ULK4: variants seen among roughly 807,000 people sequenced by gnomAD.
ULK4 encodes inactive serine/threonine-protein kinase ULK4.
ULK4 carries 133 observed loss-of-function variants against 160.6 expected under a neutral mutation model. The ratio of observed to expected loss-of-function variants is 0.83; its 90% CI spans 0.72 to 0.96. The LOEUF (loss-of-function observed/expected upper bound fraction) is 0.96, where lower values mean the gene tolerates loss of function less well. Among genes scored for constraint, ULK4 ranks in the 40% least tolerant of loss-of-function variants. ULK4 has a pLI of 0.00. For missense variants in ULK4, 1,580 were observed against 1,499.5 expected, an observed-to-expected ratio of 1.05 and a Z score of -0.89; for synonymous variants, 534 against 539.8, an observed-to-expected ratio of 0.99 and a Z score of 0.15.
intron 35 of ULK4, among the ~76,000 whole-genome samples, chr3:41,314,530 T>C (rs1201376288): frequency 2.0e-5 from 3 of 152,230 alleles, no homozygotes; most frequent in Non-Finnish European, 4.4e-5. Context: ...TTTGTGGCAA[T>C]CTAAAACCAG....
chr3:41,919,642 A>C, intron 6 of ULK4, 75 bp downstream of exon 6: 2 of 1,248,430 alleles, frequency 1.6e-6, no homozygotes, highest in Non-Finnish European at 2.3e-6. Flanking sequence ...CTTATAGGTA[A>C]AACATCTGCA....
intron 32 of ULK4, among the ~76,000 whole-genome samples, chr3:41,501,455 G>A (rs1313344356): frequency 1.3e-5 from 2 of 152,020 alleles, no homozygotes; most frequent in Admixed American, 6.6e-5. Flanking sequence ...CCGAGATTGC[G>A]CCACTGCACT....
intron 8 of ULK4, chr3:41,915,256 A>C (rs1032189362): frequency 6.6e-6 from 1 of 152,208 alleles, no homozygotes. Context: ...TTATACAAAA[A>C]TCAGCATTTC....
At chr3:41,544,350 T>C (rs537547982) in intron 32 of ULK4, among the ~76,000 whole-genome samples, 14 of 152,322 alleles carry the variant, frequency 9.2e-5, no homozygotes, top group African/African-American at 3.4e-4. Flanking sequence ...CAGTAAGTCT[T>C]CCACCCTTTG....
chr3:41,253,661 G>A (rs189244675), intron 35 of ULK4, among the ~76,000 whole-genome samples: 1 of 152,196 alleles, frequency 6.6e-6, no homozygotes, highest in African/African-American at 2.4e-5. Context: ...AAACTACATT[G>A]TAACATACCA....
At chr3:41,871,753 G>A (rs1350177733) in intron 17 of ULK4, among the ~76,000 whole-genome samples, 1 of 152,184 alleles carries the variant, frequency 6.6e-6, no homozygotes, top group African/African-American at 2.4e-5. Flanking sequence ...TATGTAGCTT[G>A]TAAATATTTT....
At chr3:41,321,883 CAG>C (rs1215555935) in intron 35 of ULK4, among the ~76,000 whole-genome samples, 2 of 144,414 alleles carry the variant, frequency 1.4e-5, no homozygotes, top group African/African-American at 5.4e-5. Context: ...AGAGAAGAAT[CAG>C]GGGAGAAGAG....
intron 35 of ULK4, among the ~76,000 whole-genome samples, chr3:41,335,806 T>C (rs2080542517): frequency 6.6e-6 from 1 of 152,186 alleles, no homozygotes; most frequent in Admixed American, 6.5e-5. Context: ...CTTTTAGATA[T>C]TTAAAAGAGT....
chr3:41,343,856 T>A (rs573465164), intron 35 of ULK4, among the ~76,000 whole-genome samples: 1 of 152,192 alleles, frequency 6.6e-6, no homozygotes, highest in Admixed American at 6.5e-5. Flanking sequence ...AAAGAGAACA[T>A]GAACAAATGA....
At chr3:41,631,331 T>C (rs1336235473) in intron 30 of ULK4, among the ~76,000 whole-genome samples, 3 of 152,220 alleles carry the variant, frequency 2.0e-5, no homozygotes, top group African/African-American at 7.2e-5. Context: ...GGACAGGCAT[T>C]ACACTTTTTC....
intron 31 of ULK4, among the ~76,000 whole-genome samples, chr3:41,567,888 A>T (rs144432828): frequency 2.2e-4 from 34 of 152,304 alleles, no homozygotes; most frequent in African/African-American, 7.9e-4. Context: ...TAGTACAGAG[A>T]GTTTCCATAT....
intron 22 of ULK4, among the ~76,000 whole-genome samples, chr3:41,731,455 G>A (rs992890121): frequency 6.6e-6 from 1 of 151,906 alleles, no homozygotes; most frequent in Non-Finnish European, 1.5e-5. Flanking sequence ...GAAAAACTAT[G>A]TAACAGTGAT....
chr3:41,727,696 T>A (rs995612833), intron 22 of ULK4, among the ~76,000 whole-genome samples: 6 of 152,078 alleles, frequency 3.9e-5, no homozygotes, highest in African/African-American at 9.7e-5. Context: ...AGCTTGAACT[T>A]TACTCTCAAG....
At chr3:41,491,512 A>G (rs1006583916) in intron 32 of ULK4, among the ~76,000 whole-genome samples, 3 of 152,112 alleles carry the variant, frequency 2.0e-5, no homozygotes, top group Non-Finnish European at 1.5e-5. Flanking sequence ...GAAATTAGGT[A>G]CAAAAATATG....
At chr3:41,573,544 GA>G (rs1267586359) in intron 31 of ULK4, among the ~76,000 whole-genome samples, 1 of 152,132 alleles carries the variant, frequency 6.6e-6, no homozygotes, top group Non-Finnish European at 1.5e-5. Context: ...GTTCAGGCCA[GA>G]ATTTAACAAT....
At chr3:41,421,439 C>A (rs1214821319) in intron 34 of ULK4, among the ~76,000 whole-genome samples, 3 of 152,018 alleles carry the variant, frequency 2.0e-5, no homozygotes, top group African/African-American at 4.8e-5. Flanking sequence ...AAGAAAATAA[C>A]CTTCAATATG....
At chr3:41,594,997 G>T (rs72860692) in intron 31 of ULK4, among the ~76,000 whole-genome samples, 18,581 of 152,192 alleles carry the variant, frequency 0.12, 1,491 homozygotes, top group African/African-American at 0.22. Flanking sequence ...ACCTGTGGAA[G>T]AAGCAGTTTT....
chr3:41,677,681 G>T (rs987860471), intron 29 of ULK4, among the ~76,000 whole-genome samples: 3 of 152,088 alleles, frequency 2.0e-5, no homozygotes, highest in Non-Finnish European at 4.4e-5. Context: ...AAAGGATAAT[G>T]ATTCTTTGAT....
At chr3:41,922,761 G>A (rs1236543155) in intron 5 of ULK4, among the ~76,000 whole-genome samples, 1 of 152,068 alleles carries the variant, frequency 6.6e-6, no homozygotes, top group Non-Finnish European at 1.5e-5. Context: ...GGAAAATCTG[G>A]TCAGATTGCA....
Sources: gnomAD v4.1 joint callset for allele counts (sites outside exome capture counted in the v4.1 genomes callset) on GRCh38, gnomAD v4.1.1 for gene constraint, MANE v1.5 for transcripts, NCBI Gene and HGNC (gene_info 2026-07-23, HGNC 2026-07-21) for gene names.